Variants in GFM1 observed in about 807,000 individuals in gnomAD.
GFM1 encodes the protein elongation factor G, mitochondrial.
Under a neutral mutation model 96.2 loss-of-function variants are expected in GFM1, and 62 were observed. The observed-to-expected ratio is 0.64, with a 90% confidence interval of 0.53 to 0.80. The LOEUF is 0.80. GFM1 is among the 30% of genes least tolerant of loss of function. The probability of loss-of-function intolerance (pLI) is 0.00; values close to 1 mark genes in which losing one functional copy is unlikely to be tolerated. For synonymous variants in GFM1, 282 were observed against 312.9 expected (o/e 0.90, Z 1.04); for missense variants, 852 against 916.6 (o/e 0.93, Z 0.91).
chr3:158,656,730 TATC>T (rs1722793260), intron 8 of GFM1: 2 of 152,258 alleles, frequency 1.3e-5, no homozygotes, highest in African/African-American at 4.8e-5. Flanking sequence ...ACTTATTTAA[TATC>T]AGCGTGGACT....
chr3:158,655,466 A>T (rs147849377), intron 8 of GFM1, among the ~76,000 whole-genome samples: 1,654 of 149,788 alleles, frequency 0.011, 19 homozygotes, highest in South Asian at 0.036. Flanking sequence ...CCTGGGCGAC[A>T]GAGCAAGACT....
At chr3:158,665,302 G>T in intron 11 of GFM1, 35 bp from the exon 12 acceptor site, 1 of 1,549,964 alleles carries the variant, frequency 6.5e-7, no homozygotes, top group East Asian at 2.3e-5. Flanking sequence ...ATCATGCTCA[G>T]TAAAACATAT....
chr3:158,665,746 T>C (rs1055270616), intron 12 of GFM1, among the ~76,000 whole-genome samples: 9 of 152,206 alleles, frequency 5.9e-5, no homozygotes, highest in African/African-American at 2.2e-4. Flanking sequence ...CCCCAGGTCA[T>C]GGGTAACTGG....
intron 11 of GFM1, 123 bp from the exon 12 acceptor site, chr3:158,665,214 A>T: frequency 8.2e-6 from 6 of 729,832 alleles, no homozygotes; most frequent in Non-Finnish European, 1.5e-5. Context: ...GTAGAACTAG[A>T]TATGTATCAT....
rs185751888 is a variant in GFM1, at chr3:158,667,330, C to T, written c.1601+944C>T. On this transcript the variant is annotated intron_variant, in intron 13 of 17. Coordinates refer to ENST00000486715, the MANE Select transcript of GFM1 (RefSeq NM_024996.7). ...GAAATGTTTACCTGTTTTTAGTTTC[C>T]AAGTTGTGGTGGCTACTTAAGAGAA... is the stretch of plus-strand genomic sequence containing the variant. 5.9e-5 allele frequency among the ~76,000 whole-genome samples: 9 copies of T among 152,048 alleles called. No individual in the cohort carries two copies. In the East Asian group the frequency reaches 1.7e-3, roughly 29 times the overall value.
chr3:158,658,075 A>G (rs969101121), intron 8 of GFM1, among the ~76,000 whole-genome samples: 18 of 151,776 alleles, frequency 1.2e-4, no homozygotes, highest in South Asian at 4.2e-4. Flanking sequence ...TGTTAAGCCT[A>G]TAATTAACAT....
intron 4 of GFM1, 58 bp from the exon 5 acceptor site, chr3:158,648,983 A>G (rs1036074480): frequency 1.6e-5 from 13 of 823,170 alleles, no homozygotes; most frequent in Non-Finnish European, 6.5e-6. Context: ...TCATTTTGTC[A>G]TTTCAAAGGG....
intron 8 of GFM1, chr3:158,656,465 T>A (rs1280784539): frequency 6.5e-6 from 1 of 153,140 alleles, no homozygotes; most frequent in Non-Finnish European, 1.5e-5. Flanking sequence ...TTTATCATTG[T>A]TAATGCTAAC....
At chr3:158,670,492 C>CT (rs1179853925) in intron 13 of GFM1, among the ~76,000 whole-genome samples, 1 of 152,106 alleles carries the variant, frequency 6.6e-6, no homozygotes, top group Non-Finnish European at 1.5e-5. Flanking sequence ...AGTGTATAGT[C>CT]TTTTTTTGTG....
At position 158,682,009 on chromosome 3, in the gene GFM1, A is replaced by G; in HGVS notation, c.1616A>G (p.His539Arg). The G allele has an allele frequency of 6.2e-7, 1 of 1,613,470 alleles. No homozygotes were observed. The highest frequency in any genetic ancestry group is 2.2e-5 in the East Asian group (1 of 44,826). Reference protein sequence around the residue: ...ITAPVPFDFTHKKQSGGAGQY... With the variant: ...ITAPVPFDFTRKKQSGGAGQY... ...ATCACTTTCAGGTTTGACTTTACAC[A>G]TAAAAAACAATCAGGTGGTGCAGGC... The change falls in exon 14 of 18, where the codon CAT becomes CGT. Residue 539 changes from histidine to arginine, a missense_variant. Transcript: ENST00000486715.
chr3:158,669,511 T>C, intron 13 of GFM1: 1 of 1,613,988 alleles, frequency 6.2e-7, no homozygotes, highest in Non-Finnish European at 8.5e-7. Flanking sequence ...TCATCTGGAT[T>C]CTTTCCAGTT....
rs186270271 is a variant in GFM1, at chr3:158,677,859, C to T, written c.1602-4136C>T. Among the ~76,000 whole-genome samples the T allele has an allele frequency of 1.6e-3, 250 of 152,340 alleles. 2 individuals are homozygous for T. Among genetic ancestry groups the T allele is most frequent in the Non-Finnish European group, 1.6e-3 (110 of 68,038 alleles). ...TCCTTCTTTTGGAAGAAGATGCCAT[C>T]TGTGACTTTCATAGCTGGAGAGAAG... On this transcript the variant is annotated intron_variant, in intron 13 of 17. Coordinates refer to ENST00000486715, the MANE Select transcript of GFM1 (RefSeq NM_024996.7).
At chr3:158,657,922 T>C (rs1424182534) in intron 8 of GFM1, among the ~76,000 whole-genome samples, 2 of 152,180 alleles carry the variant, frequency 1.3e-5, no homozygotes, top group East Asian at 1.9e-4. Flanking sequence ...CATTTTAATA[T>C]GTTTTTATAT....
In GFM1 at chr3:158,691,617, T is replaced by C. The variant is rs1726329909; in HGVS notation, c.*150T>C. ...CTTTCTTCAAAAGAAGCCCTTCTTGTTCATATTCAGGAGCTTCTGTTATAT... is the reference window on the plus strand; with the variant it reads ...CTTTCTTCAAAAGAAGCCCTTCTTGCTCATATTCAGGAGCTTCTGTTATAT... On this transcript the variant is annotated 3_prime_UTR_variant, in exon 18 of 18. Coordinates refer to ENST00000486715, the MANE Select transcript of GFM1 (RefSeq NM_024996.7). 1 of 759,452 alleles carries C rather than the reference T, an allele frequency of 1.3e-6. No homozygotes were observed. Among genetic ancestry groups the C allele is most frequent in the Middle Eastern group, 3.9e-4 (1 of 2,546 alleles). 47.0% of individuals were successfully genotyped at this position (759,452 alleles called of 1,614,324 possible).
Position 158,653,345 on chromosome 3 carries a change from T to A in GFM1, c.876T>A (p.Phe292Leu). The A allele has an allele frequency of 6.2e-7, 1 of 1,613,770 alleles. No individual in the cohort carries two copies. The highest frequency in any genetic ancestry group is 8.5e-7 in the Non-Finnish European group (1 of 1,179,762). Reference sequence around the variant, plus strand: ...GAAGAGCTACTCTGAAAAGATCATTTACTCCTGTATTTTTGGGAAGCGCCT... The same window carrying A: ...GAAGAGCTACTCTGAAAAGATCATTAACTCCTGTATTTTTGGGAAGCGCCT... ...AIRRATLKRSFTPVFLGSALK... is the reference protein window; with the variant it reads ...AIRRATLKRSLTPVFLGSALK... The change falls in exon 7 of 18, where the codon TTT (phenylalanine) becomes TTA (leucine). Residue 292 changes from phenylalanine to leucine, a missense_variant. By Grantham distance (22) the Phe-to-Leu change is conservative (BLOSUM62 0). Coordinates refer to ENST00000486715, the MANE Select transcript of GFM1 (RefSeq NM_024996.7).
At chr3:158,657,165 A>G (rs2108030385) in intron 8 of GFM1, 1 of 152,282 alleles carries the variant, frequency 6.6e-6, no homozygotes, top group African/African-American at 2.4e-5. Flanking sequence ...TCTTACTTTA[A>G]AAATATTTTA....
chr3:158,660,387 C>A (rs1241104087), intron 9 of GFM1: 1 of 158,596 alleles, frequency 6.3e-6, no homozygotes, highest in Non-Finnish European at 1.4e-5. Flanking sequence ...GCTGGGATTA[C>A]AGGCACCCAC....
Position 158,661,058 on chromosome 3 carries a change from A to G in GFM1, c.1323+83A>G, listed in dbSNP as rs2291595. On this transcript the variant is annotated intron_variant, in intron 10 of 17. Coordinates refer to ENST00000486715, the MANE Select transcript of GFM1 (RefSeq NM_024996.7). ...ATGTAGTGCATTTAATACTTCAGAA[A>G]AACAACCACAGAAGTTTTCGTTGAG... 0.17 allele frequency: 190,594 copies of G among 1,106,158 alleles called. 17,301 individuals are homozygous for G. The highest frequency in any genetic ancestry group is 0.23 in the Admixed American group (13,551 of 57,740). The allele number at this position is 1,106,158 out of a possible 1,614,324, so 68.5% of individuals were successfully genotyped here.
rs1726409657 is a variant in GFM1 at position 158,692,723 on chromosome 3, A to T, written c.*1256A>T. 6.6e-6 allele frequency: 1 copy of T among 151,150 alleles called. No homozygotes were observed. The highest frequency in any genetic ancestry group is 2.4e-5 in the African/African-American group (1 of 41,044). 9.4% of individuals were successfully genotyped at this position (151,150 alleles called of 1,614,324 possible). On this transcript the variant is annotated 3_prime_UTR_variant, in exon 18 of 18. Transcript: ENST00000486715. ...TTTTATTTTTTTGTGGTAGGGTCTC[A>T]CTCTATCCCCCAGGCTGGAATGCAG...
Sources: gnomAD v4.1 joint callset for allele counts (sites outside exome capture counted in the v4.1 genomes callset) on GRCh38, gnomAD v4.1.1 for gene constraint, MANE v1.5 for transcripts, NCBI Gene and HGNC (gene_info 2026-07-23, HGNC 2026-07-21) for gene names.